Variants in GPC3 observed in about 807,000 individuals in gnomAD.
GPC3 encodes glypican-3.
Under a neutral mutation model 34.4 loss-of-function variants are expected in GPC3, and 3 were observed. That is an observed-to-expected ratio of 0.09 (90% CI 0.04 to 0.23). GPC3 has a LOEUF of 0.23. Among genes scored for constraint, GPC3 ranks in the 10% least tolerant of loss-of-function variants. The probability of loss-of-function intolerance (pLI) is 1.00; values close to 1 mark genes in which losing one functional copy is unlikely to be tolerated. For synonymous variants in GPC3, 177 were observed against 174.0 expected, an observed-to-expected ratio of 1.02 and a Z score of -0.13; for missense variants, 351 against 445.6, an observed-to-expected ratio of 0.79 and a Z score of 1.91.
intron 2 of GPC3, among the ~76,000 whole-genome samples, chrX:133,860,134 T>C (rs2075928907): frequency 1.8e-5 from 2 of 111,684 alleles, no homozygotes; most frequent in South Asian, 7.7e-4. Context: ...GATTTCAACA[T>C]GAGACTTGGC....
intron 2 of GPC3, among the ~76,000 whole-genome samples, chrX:133,911,606 A>G (rs1046679683): frequency 7.1e-5 from 8 of 111,981 alleles, no homozygotes; most frequent in African/African-American, 2.3e-4. Flanking sequence ...AATAGAAGAA[A>G]CTGACATACC....
chrX:133,763,124 A>C, intron 2 of GPC3: 2 of 706,271 alleles, frequency 2.8e-6, no homozygotes, highest in Non-Finnish European at 4.5e-6. Flanking sequence ...ATCTTCACTA[A>C]CCAGATCCAG....
chrX:133,819,980 C>A (rs1261335199), intron 2 of GPC3, among the ~76,000 whole-genome samples: 2 of 111,876 alleles, frequency 1.8e-5, no homozygotes, highest in African/African-American at 6.5e-5. Context: ...TTCAGTCTAA[C>A]CTAAACCTGA....
intron 5 of GPC3, chrX:133,671,180 G>A: frequency 8.7e-7 from 1 of 1,150,009 alleles, no homozygotes; most frequent in Non-Finnish European, 1.2e-6. Context: ...TCATTTTGGT[G>A]GTGGCAAGAC....
chrX:133,792,547 CAGGCATTTGTTTCCCCCTAAGCTCCTGG>C (rs1374471441), intron 2 of GPC3, among the ~76,000 whole-genome samples: 1 of 111,040 alleles, frequency 9.0e-6, no homozygotes, highest in Non-Finnish European at 1.9e-5. Flanking sequence ...AGAGAAGGCT[CAGGCATTTGTTTCCCCCTAAGCTCCTGG>C]AGTTCAGAAC....
At chrX:133,827,147 G>C (rs2075751462) in intron 2 of GPC3, among the ~76,000 whole-genome samples, 1 of 111,640 alleles carries the variant, frequency 9.0e-6, no homozygotes, top group Non-Finnish European at 1.9e-5. Flanking sequence ...GGGAAATCAA[G>C]ACATTCCCAG....
At chrX:133,788,458 C>T (rs1465650167) in intron 2 of GPC3, among the ~76,000 whole-genome samples, 1 of 109,755 alleles carries the variant, frequency 9.1e-6, no homozygotes, top group Non-Finnish European at 1.9e-5. Context: ...TTCAGCCTCA[C>T]TGTTTCACCT....
chrX:133,878,996 G>A (rs2076029578), intron 2 of GPC3, among the ~76,000 whole-genome samples: 1 of 111,116 alleles, frequency 9.0e-6, no homozygotes, highest in East Asian at 2.8e-4. Context: ...TGTCTGCTTG[G>A]GAAAATACAG....
At chrX:133,945,112 C>T (rs2076361872) in intron 2 of GPC3, among the ~76,000 whole-genome samples, 1 of 111,897 alleles carries the variant, frequency 8.9e-6, no homozygotes, top group Non-Finnish European at 1.9e-5. Flanking sequence ...TGAATTTGGC[C>T]AGGCATGGTG....
At chrX:133,955,633 C>T (rs2076413329) in intron 1 of GPC3, among the ~76,000 whole-genome samples, 2 of 110,805 alleles carry the variant, frequency 1.8e-5, no homozygotes, top group Non-Finnish European at 1.9e-5. Flanking sequence ...AGAAGTTCAC[C>T]GTCTAAAGGG....
chrX:133,662,161 C>T (rs1254691208), intron 5 of GPC3, among the ~76,000 whole-genome samples: 1 of 111,529 alleles, frequency 9.0e-6, no homozygotes, highest in Admixed American at 9.5e-5. Flanking sequence ...GGGCCAATGA[C>T]CAGGCAGAGT....
At chrX:133,798,500 C>T (rs2075593357) in intron 2 of GPC3, among the ~76,000 whole-genome samples, 1 of 112,052 alleles carries the variant, frequency 8.9e-6, no homozygotes, top group Non-Finnish European at 1.9e-5. Flanking sequence ...GATAAACATG[C>T]TTGTTTTAGG....
chrX:133,671,269 C>T, intron 5 of GPC3: 3 of 999,622 alleles, frequency 3.0e-6, no homozygotes, highest in Non-Finnish European at 4.3e-6. Flanking sequence ...CAAGACATGG[C>T]CTGTATGAGA....
chrX:133,845,463 A>G (rs1302146987), intron 2 of GPC3, among the ~76,000 whole-genome samples: 1 of 111,478 alleles, frequency 9.0e-6, no homozygotes, highest in Non-Finnish European at 1.9e-5. Context: ...TCTACTTCTC[A>G]GACACTCAGA....
rs188792789 is a variant in GPC3, at chrX:133,621,054, C to T, written c.1414-24455G>A. 1.9e-3 allele frequency among the ~76,000 whole-genome samples: 209 copies of T among 111,299 alleles called. 1 individual carries two copies. Among genetic ancestry groups the T allele is most frequent in the African/African-American group, 6.6e-3 (201 of 30,609 alleles). ...CTCATATTTGGCTCAGAATACATCTCTTCAAATATTTTACAGGGTTTGACT... is the reference window on the plus strand; with the variant it reads ...CTCATATTTGGCTCAGAATACATCTTTTCAAATATTTTACAGGGTTTGACT... On this transcript the variant is annotated intron_variant, in intron 6 of 7. Coordinates refer to ENST00000370818, the MANE Select transcript of GPC3 (RefSeq NM_004484.4).
At chrX:133,536,444 GA>G in intron 7 of GPC3, 151 bp from the exon 8 acceptor site, 1 of 110,612 alleles carries the variant, frequency 9.0e-6, no homozygotes, top group Non-Finnish European at 1.7e-5. Context: ...TGTGAGATGG[GA>G]AAAAGAAGGA....
Position 133,855,530 on chromosome X carries a change from G to GATATATATATACATAT in GPC3, c.337+97519_337+97520insATATGTATATATATAT, listed in dbSNP as rs1300752824. Among the ~76,000 whole-genome samples, 4 of 91,196 alleles carry GATATATATATACATAT rather than the reference G, an allele frequency of 4.4e-5. No homozygotes were observed. In the East Asian group the frequency reaches 1.3e-3, roughly 31 times the overall value. 79.2% of individuals were successfully genotyped at this position (91,196 alleles called of 115,157 possible). ...TAAGTTATACAATATGCTGTTACAA[G>GATATATATATACATAT]ATATATATATATATATATAGTAAAA... On this transcript the variant is annotated intron_variant, in intron 2 of 7. Transcript: ENST00000370818.
At chrX:133,981,310 G>A (rs1055610791) in intron 1 of GPC3, among the ~76,000 whole-genome samples, 1 of 111,594 alleles carries the variant, frequency 9.0e-6, no homozygotes, top group Non-Finnish European at 1.9e-5. Context: ...TGACAAAAGG[G>A]ATTGTGTCTC....
chrX:133,886,089 T>A (rs1449207188), intron 2 of GPC3, among the ~76,000 whole-genome samples: 1 of 111,724 alleles, frequency 9.0e-6, no homozygotes, highest in African/African-American at 3.2e-5. Context: ...CTTTATTCAA[T>A]CTTCATTCAA....
Sources: allele counts gnomAD v4.1 joint callset (sites outside exome capture counted in the v4.1 genomes callset), GRCh38; gene constraint gnomAD v4.1.1; transcripts MANE v1.5; gene names NCBI Gene and HGNC (gene_info 2026-07-23, HGNC 2026-07-21).